The following FAM124A variants were observed in gnomAD, a reference collection of about 807,000 sequenced individuals.
The protein encoded by FAM124A is protein FAM124A.
Under a neutral mutation model 24.5 loss-of-function variants are expected in FAM124A, and 23 were observed. The ratio of observed to expected loss-of-function variants is 0.94; its 90% CI spans 0.68 to 1.33. The LOEUF (loss-of-function observed/expected upper bound fraction) is 1.33, where lower values mean the gene tolerates loss of function less well. FAM124A is among the 40% of genes most tolerant of loss of function. FAM124A has a pLI of 0.00. For synonymous variants in FAM124A, 287 were observed against 314.7 expected, an observed-to-expected ratio of 0.91 and a Z score of 0.93; for missense variants, 623 against 722.8, an observed-to-expected ratio of 0.86 and a Z score of 1.58.
chr13:51,247,865 G>C (rs150373792), intron 2 of FAM124A, among the ~76,000 whole-genome samples: 1 of 152,078 alleles, frequency 6.6e-6, no homozygotes, highest in Non-Finnish European at 1.5e-5. Flanking sequence ...CTACTTTTGC[G>C]TCAACTGTAC....
At chr13:51,244,934 C>A (rs745763996) in intron 2 of FAM124A, among the ~76,000 whole-genome samples, 1 of 152,340 alleles carries the variant, frequency 6.6e-6, no homozygotes, top group East Asian at 1.9e-4. Flanking sequence ...GGCAGAAAAA[C>A]CAACGCGATG....
chr13:51,245,212 C>T lies in FAM124A; in HGVS notation c.101-6256C>T, dbSNP rs115225434. 1.6e-3 allele frequency: 770 copies of T among 471,592 alleles called. 7 individuals are homozygous for T. The highest frequency in any genetic ancestry group is 0.014 in the African/African-American group (681 of 50,092). The allele number at this position is 471,592 out of a possible 1,614,324, so 29.2% of individuals were successfully genotyped here. A position where few individuals can be genotyped will look rare whatever the true frequency, so the allele number is the denominator to read the frequency against. ...CAAAAGATTGGTCGGACCAGGTGTG[C>T]CATTTGCATAAGATGCAAAAAACTG... is the stretch of plus-strand genomic sequence containing the variant. On this transcript the variant is annotated intron_variant, in intron 2 of 3. Transcript: ENST00000322475.
chr13:51,243,208 C>G (rs140843211), intron 2 of FAM124A, among the ~76,000 whole-genome samples: 1 of 152,276 alleles, frequency 6.6e-6, no homozygotes, highest in East Asian at 1.9e-4. Flanking sequence ...GTCAAAATTA[C>G]AAAATTACCA....
At chr13:51,260,524 C>T (rs1375913817) in intron 3 of FAM124A, among the ~76,000 whole-genome samples, 1 of 152,210 alleles carries the variant, frequency 6.6e-6, no homozygotes, top group Admixed American at 6.5e-5. Context: ...TTAATAGGTT[C>T]CACGCTTTGG....
At chr13:51,259,251 TCTC>T (rs1254780052) in intron 3 of FAM124A, among the ~76,000 whole-genome samples, 1 of 152,032 alleles carries the variant, frequency 6.6e-6, no homozygotes, top group African/African-American at 2.4e-5. Context: ...CACAGCCACT[TCTC>T]CACTGGATGG....
At chr13:51,229,019 A>G (rs957634951) in intron 1 of FAM124A, among the ~76,000 whole-genome samples, 4 of 152,234 alleles carry the variant, frequency 2.6e-5, no homozygotes, top group Non-Finnish European at 5.9e-5. Flanking sequence ...GCATGTTATG[A>G]TGGTATCAAG....
At chr13:51,243,403 T>A (rs1028332148) in intron 2 of FAM124A, among the ~76,000 whole-genome samples, 1 of 152,210 alleles carries the variant, frequency 6.6e-6, no homozygotes, top group East Asian at 1.9e-4. Flanking sequence ...GGCCCCTTTC[T>A]GAAGGCATTT....
intron 2 of FAM124A, among the ~76,000 whole-genome samples, chr13:51,241,124 C>G (rs1593591078): frequency 6.6e-6 from 1 of 152,326 alleles, no homozygotes; most frequent in East Asian, 1.9e-4. Flanking sequence ...CCTTCAAGAC[C>G]ATTTCCTCTG....
At chr13:51,245,089 G>A (rs553668285) in intron 2 of FAM124A, among the ~76,000 whole-genome samples, 11 of 152,356 alleles carry the variant, frequency 7.2e-5, no homozygotes, top group Non-Finnish European at 1.2e-4. Context: ...GCTATCTCCT[G>A]CAGAGAGAGG....
intron 3 of FAM124A, among the ~76,000 whole-genome samples, chr13:51,254,606 G>T (rs899574720): frequency 2.0e-5 from 3 of 152,132 alleles, no homozygotes; most frequent in Non-Finnish European, 4.4e-5. Flanking sequence ...AAATGCAGAG[G>T]GGGCATGAAA....
intron 1 of FAM124A, among the ~76,000 whole-genome samples, chr13:51,229,512 C>T (rs932580122): frequency 6.6e-6 from 1 of 152,200 alleles, no homozygotes; most frequent in African/African-American, 2.4e-5. Context: ...CATACATATC[C>T]ATCTGTATGC....
chr13:51,244,910 C>T (rs939590895), intron 2 of FAM124A, among the ~76,000 whole-genome samples: 2 of 152,192 alleles, frequency 1.3e-5, no homozygotes, highest in African/African-American at 2.4e-5. Flanking sequence ...ATTTCAGAGC[C>T]CCAGCCAATT....
intron 2 of FAM124A, among the ~76,000 whole-genome samples, chr13:51,243,430 G>A (rs1216631143): frequency 6.6e-6 from 1 of 152,168 alleles, no homozygotes; most frequent in African/African-American, 2.4e-5. Context: ...GGCGTTCTGG[G>A]GAATGCCTCA....
chr13:51,231,459 T>C, intron 2 of FAM124A, 80 bp downstream of exon 2: 1 of 1,463,850 alleles, frequency 6.8e-7, no homozygotes, highest in Non-Finnish European at 9.3e-7. Flanking sequence ...TGTGTGTACA[T>C]GGTTTTATAG....
At chr13:51,274,536 C>T (rs1954868049) in intron 3 of FAM124A, among the ~76,000 whole-genome samples, 1 of 152,152 alleles carries the variant, frequency 6.6e-6, no homozygotes, top group African/African-American at 2.4e-5. Flanking sequence ...TGAAAAGTTG[C>T]TCTTTATCAT....
chr13:51,226,563 GTTAT>G (rs1260764735), intron 1 of FAM124A, among the ~76,000 whole-genome samples: 1 of 152,144 alleles, frequency 6.6e-6, no homozygotes, highest in Non-Finnish European at 1.5e-5. Context: ...AGTTCCCGTT[GTTAT>G]TTATTTTCTC....
At chr13:51,267,121 C>G (rs1954792282) in intron 3 of FAM124A, among the ~76,000 whole-genome samples, 2 of 152,168 alleles carry the variant, frequency 1.3e-5, no homozygotes, top group Admixed American at 6.5e-5. Flanking sequence ...TTCTGTTTCT[C>G]AAATCACTGT....
chr13:51,248,424 A>G (rs1379513421), intron 2 of FAM124A, among the ~76,000 whole-genome samples: 1 of 152,184 alleles, frequency 6.6e-6, no homozygotes. Context: ...CTGGATCTGT[A>G]AGTACTGCTG....
In FAM124A at chr13:51,251,358, T is replaced by G; in HGVS notation, c.101-110T>G. 1 of 1,327,818 alleles carries G rather than the reference T, an allele frequency of 7.5e-7. No individual in the cohort carries two copies. Among genetic ancestry groups the G allele is most frequent in the Non-Finnish European group, 9.9e-7 (1 of 1,013,606 alleles). The allele number at this position is 1,327,818 out of a possible 1,614,324, so 82.3% of individuals were successfully genotyped here. A position where few individuals can be genotyped will look rare whatever the true frequency, so the allele number is the denominator to read the frequency against. On this transcript the variant is annotated intron_variant, in intron 2 of 3. Transcript: ENST00000322475. This position sits in a 1 kb window ranked among gnomAD's most constrained non-coding sequence, Gnocchi z 5.3. ...ATCACAGGTCATGGAGTCAGTTCAG[T>G]TAGAATTTGACTTCTCTTCCTGTCA...
Sources: gnomAD v4.1 joint callset for allele counts (sites outside exome capture counted in the v4.1 genomes callset) on GRCh38, gnomAD v4.1.1 for gene constraint, Gnocchi (gnomAD v3.1) non-coding constraint, MANE v1.5 for transcripts, NCBI Gene and HGNC (gene_info 2026-07-23, HGNC 2026-07-21) for gene names.